CSMD3: variants seen among roughly 807,000 people sequenced by gnomAD.
CSMD3 encodes the protein CUB and Sushi multiple domains 3, also known as CUB and sushi domain-containing protein 3.
CSMD3 carries 177 observed loss-of-function variants against 435.2 expected under a neutral mutation model. That is an observed-to-expected ratio of 0.41 (90% CI 0.36 to 0.46). The LOEUF (loss-of-function observed/expected upper bound fraction) is 0.46, where lower values mean the gene tolerates loss of function less well. Among genes scored for constraint, CSMD3 ranks in the 20% least tolerant of loss-of-function variants. The pLI is 0.34. For synonymous variants in CSMD3, 1,656 were observed against 1,520.5 expected (o/e 1.09, Z -2.07); for missense variants, 4,265 against 4,504.6 (o/e 0.95, Z 1.52).
At chr8:112,314,785 G>C (rs992971134) in intron 47 of CSMD3, among the ~76,000 whole-genome samples, 168 bp from the exon 48 acceptor site, 17 of 151,996 alleles carry the variant, frequency 1.1e-4, no homozygotes, top group African/African-American at 3.9e-4. Flanking sequence ...TCAAAAGCTG[G>C]AGGAATGACC....
chr8:113,056,435 T>C (rs2088342516), intron 5 of CSMD3, among the ~76,000 whole-genome samples: 2 of 152,234 alleles, frequency 1.3e-5, no homozygotes, highest in South Asian at 4.1e-4. Flanking sequence ...AAACAATATA[T>C]TCAAATTATC....
Position 112,306,172 on chromosome 8 carries a change from T to C in CSMD3, c.7906A>G (p.Lys2636Glu). 1 of 1,613,472 alleles carries C rather than the reference T, an allele frequency of 6.2e-7. No individual in the cohort carries two copies. Among genetic ancestry groups the C allele is most frequent in the Non-Finnish European group, 8.5e-7 (1 of 1,179,658 alleles). Residue 2636 changes from lysine to glutamate, a missense_variant, in exon 51 of 71, where the codon AAA (lysine) becomes GAA (glutamate). By Grantham distance (56) the Lys-to-Glu change is moderately conservative (BLOSUM62 1). Transcript: ENST00000297405. Reference sequence around the variant, plus strand: ...AGTATTCCTCCATTTGTTGGAGCTTTAGGAATCCCACAGGAAATTGCTAGA... The same window carrying C: ...AGTATTCCTCCATTTGTTGGAGCTTCAGGAATCCCACAGGAAATTGCTAGA... ...ACQAISCGIP[K>E]APTNGGILTT... is the part of the protein sequence containing the mutation.
intron 6 of CSMD3, among the ~76,000 whole-genome samples, chr8:112,987,933 G>T (rs1313415200): frequency 6.6e-6 from 1 of 151,956 alleles, no homozygotes; most frequent in Admixed American, 6.6e-5. Context: ...GGGCAATGAT[G>T]GGGAGGTGTT....
intron 16 of CSMD3, among the ~76,000 whole-genome samples, chr8:112,666,835 C>T (rs1199129837): frequency 6.6e-6 from 1 of 152,064 alleles, no homozygotes; most frequent in African/African-American, 2.4e-5. Context: ...TTTGTGCTTC[C>T]ATTTTCCAGA....
intron 53 of CSMD3, among the ~76,000 whole-genome samples, chr8:112,298,241 C>T (rs920106400): frequency 2.6e-5 from 4 of 151,572 alleles, no homozygotes; most frequent in Admixed American, 2.6e-4. Context: ...TATATGAAAC[C>T]GCAAAGTGTT....
intron 9 of CSMD3, 79 bp from the exon 10 acceptor site, chr8:112,921,830 C>T (rs72682123): frequency 0.03 from 33,162 of 1,106,962 alleles, 647 homozygotes; most frequent in Middle Eastern, 0.099. Context: ...CTGGCAATAT[C>T]CAATAGGTCA....
chr8:112,830,474 T>A (rs1020981391), intron 11 of CSMD3, among the ~76,000 whole-genome samples: 2 of 152,166 alleles, frequency 1.3e-5, no homozygotes, highest in Non-Finnish European at 2.9e-5. Flanking sequence ...ATGCAAAAAT[T>A]CAAATTTAAT....
intron 10 of CSMD3, among the ~76,000 whole-genome samples, chr8:112,879,342 C>A (rs2081383273): frequency 6.6e-6 from 1 of 152,068 alleles, no homozygotes; most frequent in Non-Finnish European, 1.5e-5. Context: ...GAAATTCCAG[C>A]CTAGTAAATC....
chr8:113,118,704 TTAACTTTA>T (rs1218667278), intron 4 of CSMD3, among the ~76,000 whole-genome samples: 2 of 152,208 alleles, frequency 1.3e-5, no homozygotes, highest in Non-Finnish European at 2.9e-5. Flanking sequence ...TGCATTTTTA[TTAACTTTA>T]ATGTTTCCAG....
rs78385312 is a variant in CSMD3 at position 112,614,715 on chromosome 8, A to G, written c.3715+22102T>C. On this transcript the variant is annotated intron_variant, in intron 22 of 70. Transcript: ENST00000297405. ...AATAAAGTATTTTAAACCAAGAACT[A>G]TACAAAGTTAGATATTGAATTTTAT... Among the ~76,000 whole-genome samples the G allele has an allele frequency of 2.5e-3, 375 of 152,240 alleles. 1 individual carries two copies. Among genetic ancestry groups the G allele is most frequent in the African/African-American group, 7.6e-3 (317 of 41,546 alleles).
At chr8:112,951,064 G>A (rs1239515476) in intron 8 of CSMD3, among the ~76,000 whole-genome samples, 1 of 151,738 alleles carries the variant, frequency 6.6e-6, no homozygotes, top group East Asian at 1.9e-4. Flanking sequence ...TGTGGTACGT[G>A]TATTTAATGT....
chr8:112,379,918 A>G (rs1829313705), intron 38 of CSMD3, among the ~76,000 whole-genome samples: 1 of 152,200 alleles, frequency 6.6e-6, no homozygotes, highest in Non-Finnish European at 1.5e-5. Context: ...TCCATGGGAA[A>G]TCTAAAATAG....
intron 13 of CSMD3, among the ~76,000 whole-genome samples, chr8:112,757,834 G>A (rs889013193): frequency 4.0e-5 from 6 of 150,934 alleles, no homozygotes; most frequent in Non-Finnish European, 5.9e-5. Context: ...CAGGAGGATT[G>A]CTTGATCCCA....
chr8:113,158,143 G>T (rs2091968008), intron 4 of CSMD3, among the ~76,000 whole-genome samples: 1 of 148,566 alleles, frequency 6.7e-6, no homozygotes, highest in African/African-American at 2.5e-5. Flanking sequence ...GAATAAGTCA[G>T]ATTTGTACTA....
intron 22 of CSMD3, among the ~76,000 whole-genome samples, chr8:112,612,107 G>C (rs1468486065): frequency 1.3e-5 from 2 of 152,100 alleles, no homozygotes; most frequent in African/African-American, 4.8e-5. Flanking sequence ...CAGAGATAAA[G>C]AGAACCTAAT....
intron 5 of CSMD3, among the ~76,000 whole-genome samples, chr8:113,026,686 T>C (rs9297483): frequency 0.68 from 103,611 of 152,072 alleles, 37,126 homozygotes; most frequent in East Asian, 0.95. Context: ...ACTTTCAGTC[T>C]CTTTGAATTT....
rs201664833 is a variant in CSMD3 at position 113,044,774 on chromosome 8, C to T, written c.918-25595G>A. 1.7e-3 allele frequency among the ~76,000 whole-genome samples: 247 copies of T among 149,058 alleles called. 1 individual carries two copies. The highest frequency in any genetic ancestry group is 5.8e-3 in the African/African-American group (238 of 41,356). On this transcript the variant is annotated intron_variant, in intron 5 of 70. Coordinates refer to ENST00000297405, the MANE Select transcript of CSMD3 (RefSeq NM_198123.2). ...ACCTATTTCATTTTCTCCAGTTTCT[C>T]CCCAAATATCCTTTGCATTTTATTG... is the stretch of plus-strand genomic sequence containing the variant.
At chr8:113,349,485 A>C (rs1382707513) in intron 1 of CSMD3, among the ~76,000 whole-genome samples, 1 of 152,058 alleles carries the variant, frequency 6.6e-6, no homozygotes, top group African/African-American at 2.4e-5. Flanking sequence ...AAAAAGAAAA[A>C]ATTTTAAAGC....
intron 6 of CSMD3, among the ~76,000 whole-genome samples, chr8:112,992,613 T>C (rs1353799340): frequency 1.3e-5 from 2 of 151,872 alleles, no homozygotes; most frequent in East Asian, 3.9e-4. Context: ...CAGCATGGTA[T>C]GTCTAAGTAG....
Sources: allele counts gnomAD v4.1 joint callset (sites outside exome capture counted in the v4.1 genomes callset), GRCh38; gene constraint gnomAD v4.1.1; transcripts MANE v1.5; gene names NCBI Gene and HGNC (gene_info 2026-07-23, HGNC 2026-07-21).